Variants in TES observed in about 807,000 individuals in gnomAD.
The protein encoded by TES is testin LIM domain protein.
TES carries 41 observed loss-of-function variants against 48.2 expected under a neutral mutation model. The ratio of observed to expected loss-of-function variants is 0.85; its 90% CI spans 0.66 to 1.10. The LOEUF (loss-of-function observed/expected upper bound fraction) is 1.10. Among genes scored for constraint, TES ranks in the 50% least tolerant of loss-of-function variants. The probability of loss-of-function intolerance (pLI) is 0.00; values close to 1 mark genes in which losing one functional copy is unlikely to be tolerated. For missense variants in TES, 463 were observed against 515.1 expected (o/e 0.90, Z 0.98); for synonymous variants, 162 against 174.9 (o/e 0.93, Z 0.58).
chr7:116,238,390 A>G (rs956190926), intron 2 of TES: 2 of 152,136 alleles, frequency 1.3e-5, no homozygotes, highest in African/African-American at 4.8e-5. Context: ...GTCTAACCTC[A>G]TTTTACAGAT....
chr7:116,227,397 C>G (rs1389987093), intron 1 of TES, among the ~76,000 whole-genome samples: 2 of 152,028 alleles, frequency 1.3e-5, no homozygotes, highest in African/African-American at 2.4e-5. Flanking sequence ...GCTGGGATTA[C>G]AGGCATGAGC....
intron 6 of TES, among the ~76,000 whole-genome samples, chr7:116,253,242 TTATATAGTTA>T (rs957795829): frequency 5.9e-5 from 9 of 152,204 alleles, no homozygotes; most frequent in African/African-American, 2.2e-4. Flanking sequence ...TACATATGGT[TTATATAGTTA>T]TATATAGTTA....
chr7:116,211,956 A>G (rs1260061987), intron 1 of TES, among the ~76,000 whole-genome samples: 1 of 152,234 alleles, frequency 6.6e-6, no homozygotes, highest in Non-Finnish European at 1.5e-5. Context: ...AAGAACAGAA[A>G]AACATAAATT....
At chr7:116,214,644 A>C (rs1292219645) in intron 1 of TES, among the ~76,000 whole-genome samples, 1 of 152,122 alleles carries the variant, frequency 6.6e-6, no homozygotes, top group Non-Finnish European at 1.5e-5. Context: ...AATTGTCCTG[A>C]ATATTGGTTG....
In TES at chr7:116,210,745, G is replaced by A; in HGVS notation, c.27+11G>A. 1 of 1,242,250 alleles carries A rather than the reference G, an allele frequency of 8.0e-7. No homozygotes were observed. Among genetic ancestry groups the A allele is most frequent in the Non-Finnish European group, 1.0e-6 (1 of 983,216 alleles). 77.0% of individuals were successfully genotyped at this position (1,242,250 alleles called of 1,614,324 possible). On this transcript the variant is annotated intron_variant, in intron 1 of 6. Transcript: ENST00000358204. Reference sequence around the variant, plus strand: ...AACAAAGTGAAGAAGGTAGGGGGGCGCTCGTGGCGGGCGGCGGCTGCTTCA... The same window carrying A: ...AACAAAGTGAAGAAGGTAGGGGGGCACTCGTGGCGGGCGGCGGCTGCTTCA...
intron 2 of TES, chr7:116,244,086 A>G (rs1305019790): frequency 6.6e-6 from 1 of 152,182 alleles, no homozygotes; most frequent in Non-Finnish European, 1.5e-5. Flanking sequence ...TATGGGAAAT[A>G]CAATTCAAGA....
intron 1 of TES, among the ~76,000 whole-genome samples, chr7:116,233,381 T>C (rs1304487402): frequency 6.6e-6 from 1 of 152,164 alleles, no homozygotes; most frequent in Non-Finnish European, 1.5e-5. Context: ...TATTGTTTAA[T>C]ATGGTAAAGA....
intron 2 of TES, among the ~76,000 whole-genome samples, chr7:116,246,025 A>G (rs7811984): frequency 0.33 from 50,749 of 151,978 alleles, 8,924 homozygotes; most frequent in East Asian, 0.57. Flanking sequence ...TCTCTCCCAC[A>G]ACACATGGGG....
At chr7:116,223,857 G>T (rs780181734) in intron 1 of TES, among the ~76,000 whole-genome samples, 1 of 152,078 alleles carries the variant, frequency 6.6e-6, no homozygotes, top group Non-Finnish European at 1.5e-5. Flanking sequence ...CTTAGTCTTT[G>T]GATTTAAAAT....
intron 3 of TES, 150 bp downstream of exon 3, chr7:116,249,422 G>C: frequency 1.1e-6 from 1 of 945,932 alleles, no homozygotes; most frequent in Non-Finnish European, 1.5e-6. Flanking sequence ...TCCTGTTCTA[G>C]TCTTTTGAAT....
intron 1 of TES, among the ~76,000 whole-genome samples, chr7:116,220,113 A>G (rs953818738): frequency 6.6e-6 from 1 of 152,172 alleles, no homozygotes; most frequent in Non-Finnish European, 1.5e-5. Context: ...TACCTTTTAT[A>G]TACTGCAACA....
intron 1 of TES, among the ~76,000 whole-genome samples, chr7:116,230,523 C>T (rs1428880234): frequency 6.6e-6 from 1 of 152,178 alleles, no homozygotes; most frequent in Non-Finnish European, 1.5e-5. Flanking sequence ...CCTGTGAGGG[C>T]TTCCTGAGCT....
chr7:116,245,347 C>T (rs979450403), intron 2 of TES, among the ~76,000 whole-genome samples: 2 of 152,102 alleles, frequency 1.3e-5, no homozygotes, highest in Admixed American at 1.3e-4. Flanking sequence ...CCCCTGCCTA[C>T]AGATTCTAGG....
rs560359828 is a variant in TES at position 116,248,962 on chromosome 7, G to A, written c.114-58G>A. ...AGTATTTTATGAACTATAAATGTAT[G>A]AACATAAATATCAATTAGGTACAAT... On this transcript the variant is annotated intron_variant, in intron 2 of 6. Transcript: ENST00000358204. 8.5e-4 allele frequency: 1,244 copies of A among 1,469,534 alleles called. 2 individuals carry two copies. Among genetic ancestry groups the A allele is most frequent in the Non-Finnish European group, 1.1e-3 (1,193 of 1,101,852 alleles). The allele number at this position is 1,469,534 out of a possible 1,614,324, so 91.0% of individuals were successfully genotyped here.
intron 1 of TES, among the ~76,000 whole-genome samples, chr7:116,228,535 C>T (rs900125392): frequency 2.0e-5 from 3 of 152,088 alleles, no homozygotes; most frequent in African/African-American, 7.2e-5. Context: ...CAGGGAATAC[C>T]GTATCACATT....
intron 1 of TES, among the ~76,000 whole-genome samples, chr7:116,226,408 A>G (rs1385519493): frequency 1.3e-5 from 2 of 152,184 alleles, no homozygotes; most frequent in African/African-American, 4.8e-5. Context: ...CAGTAGAGAC[A>G]ACGACTTTGG....
chr7:116,252,833 T>C, intron 6 of TES: 1 of 258,730 alleles, frequency 3.9e-6, no homozygotes, highest in African/African-American at 2.2e-5. Context: ...TCTTTAGCTC[T>C]ATTTGAATAT....
At chr7:116,217,159 A>G (rs1003493650) in intron 1 of TES, among the ~76,000 whole-genome samples, 3 of 152,134 alleles carry the variant, frequency 2.0e-5, no homozygotes, top group African/African-American at 4.8e-5. Context: ...GCAGTACGCT[A>G]TGTTTCTAAC....
chr7:116,222,842 T>G (rs1799572587), intron 1 of TES: 2 of 323,226 alleles, frequency 6.2e-6, no homozygotes, highest in Non-Finnish European at 8.9e-6. Flanking sequence ...ATGAGCGCAT[T>G]CCATTACAGT....
Sources: gnomAD v4.1 joint callset for allele counts (sites outside exome capture counted in the v4.1 genomes callset) on GRCh38, gnomAD v4.1.1 for gene constraint, MANE v1.5 for transcripts, NCBI Gene and HGNC (gene_info 2026-07-23, HGNC 2026-07-21) for gene names.